Variants in DCC observed in about 807,000 individuals in gnomAD.
DCC encodes the protein netrin receptor DCC.
A neutral mutation model predicts 172.5 loss-of-function variants in DCC; 58 were observed. That is an observed-to-expected ratio of 0.34 (90% CI 0.27 to 0.42). The LOEUF is 0.42. Ranked by LOEUF, DCC falls within the 10% of genes least tolerant of loss-of-function variation. The probability of loss-of-function intolerance (pLI) is 1.00; values close to 1 mark genes in which losing one functional copy is unlikely to be tolerated. For synonymous variants in DCC, 709 were observed against 644.5 expected (o/e 1.10, Z -1.52); for missense variants, 1,740 against 1,791.0 (o/e 0.97, Z 0.51).
chr18:53,215,178 T>C (rs908013269), intron 11 of DCC, among the ~76,000 whole-genome samples: 1 of 152,172 alleles, frequency 6.6e-6, no homozygotes, highest in Non-Finnish European at 1.5e-5. Context: ...AAATGCGCAA[T>C]ATCTTAAGCC....
chr18:53,193,006 T>G (rs182525248), intron 9 of DCC, among the ~76,000 whole-genome samples: 8 of 152,274 alleles, frequency 5.3e-5, no homozygotes, highest in Non-Finnish European at 1.0e-4. Context: ...CTATAGCTCT[T>G]AAATCCCTGC....
At chr18:53,119,682 C>T (rs919639236) in intron 7 of DCC, among the ~76,000 whole-genome samples, 7 of 151,834 alleles carry the variant, frequency 4.6e-5, no homozygotes, top group Admixed American at 2.0e-4. Flanking sequence ...GAGAATTAAT[C>T]TGCTCTGCTG....
chr18:53,045,422 T>G (rs982281492), intron 5 of DCC, among the ~76,000 whole-genome samples: 1 of 151,776 alleles, frequency 6.6e-6, no homozygotes, highest in Non-Finnish European at 1.5e-5. Flanking sequence ...AGAGTATTAG[T>G]CACAGGAGAA....
At chr18:53,216,487 A>G (rs868129784) in intron 12 of DCC, among the ~76,000 whole-genome samples, 7 of 152,158 alleles carry the variant, frequency 4.6e-5, no homozygotes, top group Non-Finnish European at 7.3e-5. Flanking sequence ...AAAGTTTTCA[A>G]CCTTAGCAAA....
At chr18:52,937,538 GTC>G (rs1376279988) in intron 5 of DCC, among the ~76,000 whole-genome samples, 2 of 152,060 alleles carry the variant, frequency 1.3e-5, no homozygotes, top group Non-Finnish European at 2.9e-5. Flanking sequence ...GTGAGACAAG[GTC>G]TCTCTGTTTC....
chr18:52,908,152 C>A (rs2145452237), intron 3 of DCC, among the ~76,000 whole-genome samples: 1 of 152,308 alleles, frequency 6.6e-6, no homozygotes. Flanking sequence ...ATAGTTATCA[C>A]AAGTACTTCA....
At chr18:53,513,963 C>CTAA (rs1555681563) in intron 27 of DCC, among the ~76,000 whole-genome samples, 47 of 150,898 alleles carry the variant, frequency 3.1e-4, no homozygotes, top group African/African-American at 9.5e-4. Flanking sequence ...CCAAGCAGAC[C>CTAA]TAATACACAT....
chr18:52,934,495 T>C (rs2040354018), intron 5 of DCC, among the ~76,000 whole-genome samples: 1 of 151,692 alleles, frequency 6.6e-6, no homozygotes, highest in Non-Finnish European at 1.5e-5. Flanking sequence ...ATCTATGTTA[T>C]CTGAGTTTTA....
chr18:53,285,536 G>T (rs964002709), intron 12 of DCC, among the ~76,000 whole-genome samples: 11 of 152,210 alleles, frequency 7.2e-5, no homozygotes, highest in Non-Finnish European at 1.5e-4. Flanking sequence ...GGATGCCCTG[G>T]CAGAAGTTTG....
At chr18:53,108,966 CTCATTAGATAATGTCCA>C (rs1365498900) in intron 7 of DCC, among the ~76,000 whole-genome samples, 9 of 150,770 alleles carry the variant, frequency 6.0e-5, no homozygotes, top group African/African-American at 2.2e-4. Flanking sequence ...CATTTTCAAA[CTCATTAGATAATGTCCA>C]TCTAGTTGCC....
In DCC at chr18:53,459,444, G is replaced by A. The variant is rs150938467; in HGVS notation, c.3605G>A (p.Ser1202Asn). The A allele has an allele frequency of 1.4e-5, 23 of 1,607,870 alleles. 1 individual carries two copies. Among genetic ancestry groups the A allele is most frequent in the Non-Finnish European group, 1.9e-5 (22 of 1,174,704 alleles). ...TCAGAAACCCAACTGGGAAGCAAAA[G>A]CACCTCTCATTCAGGTAATTATCTT... ...SQSETQLGSK[S>N]TSHSGQDTEE... The change falls in exon 24 of 29, where the codon AGC (serine) becomes AAC (asparagine). Residue 1202 changes from serine to asparagine, a missense_variant. Physicochemically the swap from Ser to Asn is conservative, Grantham distance 46 (BLOSUM62 1). This residue lies in a region of DCC where 1,732 missense variants were observed against 1,767.4 expected (regional missense o/e 0.98). Coordinates refer to ENST00000442544, the MANE Select transcript of DCC (RefSeq NM_005215.4).
intron 2 of DCC, among the ~76,000 whole-genome samples, chr18:52,891,669 A>G (rs2039652102): frequency 6.6e-6 from 1 of 152,146 alleles, no homozygotes; most frequent in East Asian, 1.9e-4. Context: ...GCAAAATCAC[A>G]GCCTAAATAT....
chr18:52,743,122 C>G (rs1354298945), intron 1 of DCC, among the ~76,000 whole-genome samples: 1 of 152,244 alleles, frequency 6.6e-6, no homozygotes, highest in East Asian at 1.9e-4. Context: ...AATGGCATCT[C>G]CAAAGCTTGT....
chr18:52,347,628 G>A (rs1983935263), intron 1 of DCC, among the ~76,000 whole-genome samples: 1 of 152,064 alleles, frequency 6.6e-6, no homozygotes, highest in Non-Finnish European at 1.5e-5. Context: ...TTAAGACATA[G>A]GGGACTAAGT....
chr18:53,448,503 C>A (rs763866875), intron 22 of DCC, among the ~76,000 whole-genome samples: 6 of 152,156 alleles, frequency 3.9e-5, no homozygotes, highest in Non-Finnish European at 7.4e-5. Context: ...TTCTGGGACA[C>A]ATGGGGATTA....
At chr18:52,409,597 T>C (rs947824544) in intron 1 of DCC, among the ~76,000 whole-genome samples, 2 of 152,154 alleles carry the variant, frequency 1.3e-5, no homozygotes, top group Non-Finnish European at 2.9e-5. Context: ...GGGTGACCTT[T>C]ACAAATCCAT....
chr18:52,614,146 C>T (rs1039146446), intron 1 of DCC, among the ~76,000 whole-genome samples: 1 of 152,100 alleles, frequency 6.6e-6, no homozygotes, highest in Non-Finnish European at 1.5e-5. Flanking sequence ...TGCCAAAGTC[C>T]CTGCTGGTGA....
At chr18:53,348,838 A>G (rs528425400) in intron 15 of DCC, among the ~76,000 whole-genome samples, 1 of 152,150 alleles carries the variant, frequency 6.6e-6, no homozygotes, top group Non-Finnish European at 1.5e-5. Context: ...TGTACACAGC[A>G]CAGGGACCCT....
chr18:53,476,253 G>A (rs1464102749), intron 25 of DCC, among the ~76,000 whole-genome samples: 1 of 152,134 alleles, frequency 6.6e-6, no homozygotes, highest in African/African-American at 2.4e-5. Flanking sequence ...TTAAGACTTT[G>A]GGGGACCATT....
Sources: gnomAD v4.1 joint callset for allele counts (sites outside exome capture counted in the v4.1 genomes callset) on GRCh38, gnomAD v4.1.1 for gene constraint, gnomAD v4.1.1 regional missense constraint, MANE v1.5 for transcripts, NCBI Gene and HGNC (gene_info 2026-07-23, HGNC 2026-07-21) for gene names.